Variants in PSMA8 observed in about 807,000 individuals in gnomAD.
PSMA8 encodes the protein proteasome 20S subunit alpha 8.
Under a neutral mutation model 32.4 loss-of-function variants are expected in PSMA8, and 18 were observed. The observed-to-expected ratio is 0.56, with a 90% CI of 0.38 to 0.82. The LOEUF is 0.82. Ranked by LOEUF, PSMA8 falls within the 40% of genes least tolerant of loss-of-function variation. PSMA8 has a pLI of 0.00. For synonymous variants in PSMA8, 104 were observed against 98.1 expected (o/e 1.06, Z -0.36); for missense variants, 298 against 300.7 (o/e 0.99, Z 0.07).
At chr18:26,162,554 A>T (rs941403339) in intron 4 of PSMA8, among the ~76,000 whole-genome samples, 2 of 152,196 alleles carry the variant, frequency 1.3e-5, no homozygotes, top group Non-Finnish European at 2.9e-5. Context: ...AACATTTTTA[A>T]TGCATAGCTA....
rs1184428587 is a variant in PSMA8 at position 26,167,195 on chromosome 18, C to A, written c.477+8951C>A. 2.0e-5 allele frequency among the ~76,000 whole-genome samples: 3 copies of A among 152,130 alleles called. No individual in the cohort carries two copies. In the East Asian group the frequency reaches 5.8e-4, roughly 29 times the overall value. ...ATTTTAATTTGCAATTAACTACCAC[C>A]TGTTGAGTGGAATAGCCACACTTTT... On this transcript the variant is annotated intron_variant, in intron 4 of 6. Transcript: ENST00000415576.
chr18:26,189,707 T>A (rs1381293091), intron 6 of PSMA8, among the ~76,000 whole-genome samples: 1 of 152,152 alleles, frequency 6.6e-6, no homozygotes, highest in Non-Finnish European at 1.5e-5. Flanking sequence ...GAATGTAAAT[T>A]AGTACAACCA....
chr18:26,193,264 G>A lies in PSMA8; in HGVS notation c.*853G>A, dbSNP rs552479241. The A allele has an allele frequency of 6.6e-6, 1 of 152,154 alleles. No individual in the cohort carries two copies. The highest frequency in any genetic ancestry group is 2.1e-4 in the South Asian group (1 of 4,816). 9.4% of individuals were successfully genotyped at this position (152,154 alleles called of 1,614,324 possible). A position where few individuals can be genotyped will look rare whatever the true frequency, so the allele number is the denominator to read the frequency against. ...AATATAAAAAGTGATCTCTGCCCACGGAAAGGATTTAATCCAAATGGTCCA... is the reference window on the plus strand; with the variant it reads ...AATATAAAAAGTGATCTCTGCCCACAGAAAGGATTTAATCCAAATGGTCCA... On this transcript the variant is annotated 3_prime_UTR_variant, in exon 7 of 7. Coordinates refer to ENST00000415576, the MANE Select transcript of PSMA8 (RefSeq NM_001025096.2).
At chr18:26,180,584 C>T (rs1420223012) in intron 6 of PSMA8, among the ~76,000 whole-genome samples, 5 of 151,968 alleles carry the variant, frequency 3.3e-5, no homozygotes, top group African/African-American at 9.7e-5. Flanking sequence ...TTTTGTCACC[C>T]CTGCTGCTAA....
intron 6 of PSMA8, among the ~76,000 whole-genome samples, chr18:26,179,538 T>C (rs2055292990): frequency 6.6e-6 from 1 of 152,182 alleles, no homozygotes; most frequent in African/African-American, 2.4e-5. Context: ...CCATATTTCT[T>C]TGTGGCAAGT....
intron 1 of PSMA8, among the ~76,000 whole-genome samples, chr18:26,141,986 A>G (rs1207985889): frequency 6.6e-6 from 1 of 151,292 alleles, no homozygotes; most frequent in Admixed American, 6.6e-5. Context: ...ATGCTCAGCC[A>G]GGCCTAGTTC....
chr18:26,179,948 TAA>T lies in PSMA8; in HGVS notation c.660+830_660+831del, dbSNP rs35112719. 9.6e-3 allele frequency among the ~76,000 whole-genome samples: 1,294 copies of T among 134,496 alleles called. 30 individuals carry two copies. The highest frequency in any genetic ancestry group is 0.033 in the African/African-American group (1,222 of 37,036). 88.2% of individuals were successfully genotyped at this position (134,496 alleles called of 152,430 possible). A position where few individuals can be genotyped will look rare whatever the true frequency, so the allele number is the denominator to read the frequency against. On this transcript the variant is annotated intron_variant, in intron 6 of 6. Transcript: ENST00000415576. Reference sequence around the variant, plus strand: ...GAAAAAAAAAAATTAAAAATTAAATTAAAAAAAAAAAAAGGATTGTTGCCAGA... The same window carrying T: ...GAAAAAAAAAAATTAAAAATTAAATTAAAAAAAAAAAGGATTGTTGCCAGA...
At chr18:26,179,571 G>A (rs936565306) in intron 6 of PSMA8, among the ~76,000 whole-genome samples, 2 of 152,016 alleles carry the variant, frequency 1.3e-5, no homozygotes, top group Non-Finnish European at 2.9e-5. Flanking sequence ...TATGTATAAC[G>A]TCTGTCAGCC....
At chr18:26,139,792 A>C (rs1598640541) in intron 1 of PSMA8, among the ~76,000 whole-genome samples, 1 of 152,202 alleles carries the variant, frequency 6.6e-6, no homozygotes, top group Non-Finnish European at 1.5e-5. Flanking sequence ...GATGATGACA[A>C]TATTTGACTT....
At chr18:26,153,955 G>T (rs1317995234) in intron 3 of PSMA8, among the ~76,000 whole-genome samples, 1 of 152,070 alleles carries the variant, frequency 6.6e-6, no homozygotes, top group Non-Finnish European at 1.5e-5. Flanking sequence ...AGGCTGGAGT[G>T]CAGTGGCCTG....
chr18:26,189,419 G>A (rs1295546354), intron 6 of PSMA8, among the ~76,000 whole-genome samples: 2 of 152,054 alleles, frequency 1.3e-5, no homozygotes, highest in Non-Finnish European at 2.9e-5. Flanking sequence ...TGTGGTCCCA[G>A]CTACTTGGGA....
At chr18:26,144,219 T>C (rs540918380) in intron 1 of PSMA8, among the ~76,000 whole-genome samples, 1 of 152,340 alleles carries the variant, frequency 6.6e-6, no homozygotes, top group East Asian at 1.9e-4. Context: ...CATCATTTGC[T>C]TATAGTTGCA....
intron 1 of PSMA8, among the ~76,000 whole-genome samples, chr18:26,138,088 G>A (rs982906881): frequency 6.6e-6 from 1 of 152,222 alleles, no homozygotes; most frequent in Non-Finnish European, 1.5e-5. Context: ...ATCATGGAAT[G>A]CCATTAAACC....
At position 26,151,996 on chromosome 18, in the gene PSMA8, C is replaced by A; in HGVS notation, c.354+14C>A. ...ACTTTAAAGCAGGTAAGCTAATATT[C>A]TAACATACTTTGTTAAGCTTTCTCC... On this transcript the variant is annotated intron_variant, in intron 3 of 6. Transcript: ENST00000415576. 10 of 1,586,100 alleles carry A rather than the reference C, an allele frequency of 6.3e-6. No homozygotes were observed. The highest frequency in any genetic ancestry group is 1.2e-5 in the South Asian group (1 of 85,458).
rs1216837442 is a variant in PSMA8 at position 26,179,108 on chromosome 18, T to A, written c.638T>A (p.Ile213Lys). ...GGAAAAAACATTGAACTTGCTATAA[T>A]AAGAAGAAATCAACCTTTGAAGGTA... ...SGGKNIELAIIRRNQPLKMFS... is the reference protein window; with the variant it reads ...SGGKNIELAIKRRNQPLKMFS... The change falls in exon 6 of 7, where the codon ATA becomes AAA. Residue 213 changes from isoleucine to lysine, a missense_variant. Physicochemically the swap from Ile to Lys is moderately radical, Grantham distance 102. Coordinates refer to ENST00000415576, the MANE Select transcript of PSMA8 (RefSeq NM_001025096.2). The A allele has an allele frequency of 1.2e-6, 2 of 1,612,024 alleles. No homozygotes were observed. The highest frequency in any genetic ancestry group is 1.7e-6 in the Non-Finnish European group (2 of 1,178,698).
At chr18:26,134,343 GTGTGTGTGTGTGTGTGTGTGTCTCT>G (rs1568050652) in intron 1 of PSMA8, among the ~76,000 whole-genome samples, 13 of 141,672 alleles carry the variant, frequency 9.2e-5, no homozygotes, top group Admixed American at 2.7e-4. Context: ...GTGTGTGGGT[GTGTGTGTGTGTGTGTGTGTGTCTCT>G]GTGTGTGTGT....
chr18:26,154,652 T>G (rs1040552635), intron 3 of PSMA8, among the ~76,000 whole-genome samples: 1 of 152,180 alleles, frequency 6.6e-6, no homozygotes, highest in African/African-American at 2.4e-5. Flanking sequence ...TCTCACTCTG[T>G]CACCAGGCTG....
At chr18:26,156,661 T>C (rs2055091590) in intron 3 of PSMA8, among the ~76,000 whole-genome samples, 1 of 148,242 alleles carries the variant, frequency 6.7e-6, no homozygotes, top group Non-Finnish European at 1.5e-5. Flanking sequence ...ATATTTTATA[T>C]ATATAATAAT....
intron 2 of PSMA8, among the ~76,000 whole-genome samples, chr18:26,149,515 T>A (rs2055028811): frequency 6.6e-6 from 1 of 152,220 alleles, no homozygotes; most frequent in African/African-American, 2.4e-5. Context: ...CTCACATGTC[T>A]TGTTTTTGAA....
Sources: gnomAD v4.1 joint callset for allele counts (sites outside exome capture counted in the v4.1 genomes callset) on GRCh38, gnomAD v4.1.1 for gene constraint, MANE v1.5 for transcripts, NCBI Gene and HGNC (gene_info 2026-07-23, HGNC 2026-07-21) for gene names.